MGST2: variants seen among roughly 807,000 people sequenced by gnomAD.
MGST2 encodes the protein glutathione peroxidase MGST2.
In MGST2, 9 loss-of-function variants were observed where a neutral mutation model predicts 16.6. The ratio of observed to expected loss-of-function variants is 0.54; its 90% CI spans 0.33 to 0.95. The LOEUF is 0.95. Among genes scored for constraint, MGST2 ranks in the 40% least tolerant of loss-of-function variants. The pLI is 0.03. For missense variants in MGST2, 159 were observed against 175.1 expected, an observed-to-expected ratio of 0.91 and a Z score of 0.52; for synonymous variants, 79 against 68.0, an observed-to-expected ratio of 1.16 and a Z score of -0.79.
chr4:139,682,357 C>T (rs527271602), intron 2 of MGST2, among the ~76,000 whole-genome samples: 17 of 152,112 alleles, frequency 1.1e-4, no homozygotes, highest in East Asian at 3.9e-4. Context: ...GTGTAGGTCC[C>T]GCTGAGAAGG....
intron 5 of MGST2, chr4:139,719,737 G>A: frequency 6.2e-7 from 1 of 1,613,778 alleles, no homozygotes; most frequent in Non-Finnish European, 8.5e-7. Context: ...CCTGTGGGAA[G>A]TGCTGCTTGG....
downstream of MGST2, among the ~76,000 whole-genome samples, chr4:139,706,283 G>A (rs1344308307): frequency 6.6e-6 from 1 of 152,116 alleles, no homozygotes; most frequent in African/African-American, 2.4e-5. Flanking sequence ...CACCCCATCA[G>A]TAGGAGGTTG....
chr4:139,680,151 C>T (rs1359899250), intron 2 of MGST2, among the ~76,000 whole-genome samples: 1 of 152,152 alleles, frequency 6.6e-6, no homozygotes, highest in African/African-American at 2.4e-5. Context: ...ATTTCATGCT[C>T]CTTTACTTCT....
chr4:139,736,913 C>T (rs1597906), intron 5 of MGST2, among the ~76,000 whole-genome samples: 1 of 152,152 alleles, frequency 6.6e-6, no homozygotes, highest in East Asian at 1.9e-4. Flanking sequence ...GCAAAATTTC[C>T]TGCTTTGGAA....
At chr4:139,709,920 C>A (rs1362234801) in intron 5 of MGST2, among the ~76,000 whole-genome samples, 2 of 152,000 alleles carry the variant, frequency 1.3e-5, no homozygotes, top group Admixed American at 1.3e-4. Context: ...GCCAGCTACT[C>A]CAGAGGACAC....
chr4:139,701,177 G>A (rs998307394), intron 3 of MGST2, among the ~76,000 whole-genome samples: 5 of 152,202 alleles, frequency 3.3e-5, no homozygotes, highest in African/African-American at 1.2e-4. Flanking sequence ...GGCTGAATGA[G>A]GCAGACTGCC....
In MGST2 at chr4:139,704,005, C is replaced by T. The variant is rs1727413241; in HGVS notation, c.312-11C>T. 4 of 1,614,044 alleles carry T rather than the reference C, an allele frequency of 2.5e-6. No individual in the cohort carries two copies. The highest frequency in any genetic ancestry group is 3.4e-6 in the Non-Finnish European group (4 of 1,180,012). On this transcript the variant is annotated splice_polypyrimidine_tract_variant and intron_variant, in intron 4 of 4. Transcript: ENST00000265498. ...AGTTTGTCACTTTTCTCCCTCATGT[C>T]CACTCTGCAGGATCACCGGTTTCCG...
chr4:139,739,679 G>GTTTC (rs200037455), intron 5 of MGST2, among the ~76,000 whole-genome samples: 54,918 of 131,824 alleles, frequency 0.42, 11,681 homozygotes, highest in South Asian at 0.58. Flanking sequence ...GAGGAAAGCA[G>GTTTC]TTTTTTTTTT....
In MGST2 at chr4:139,666,099, TGTGTGTGCGCGTGTGTGC is replaced by T; in HGVS notation, c.58+30_58+47del. ...CAAAGTAAGAGGCATGGGAAGTTCGTGTGTGTGCGCGTGTGTGCGTGTGTGTGTGTGTGTGACAAGGCT... is the reference window on the plus strand; with the variant it reads ...CAAAGTAAGAGGCATGGGAAGTTCGTGTGTGTGTGTGTGTGTGACAAGGCT... On this transcript the variant is annotated intron_variant, in intron 1 of 4. Coordinates refer to ENST00000265498, the MANE Select transcript of MGST2 (RefSeq NM_002413.5). The T allele has an allele frequency of 2.6e-6, 4 of 1,539,860 alleles. No individual in the cohort carries two copies. The Admixed American group carries it at 7.2e-5, about 28-fold the overall frequency.
At chr4:139,677,623 T>C (rs1271928372) in intron 1 of MGST2, among the ~76,000 whole-genome samples, 1 of 151,986 alleles carries the variant, frequency 6.6e-6, no homozygotes, top group Non-Finnish European at 1.5e-5. Flanking sequence ...TGCCTTAGCC[T>C]CCTGAGTAGC....
the MGST2 span, among the ~76,000 whole-genome samples, chr4:139,748,098 G>C: frequency 7.3e-5 from 11 of 151,556 alleles, no homozygotes; most frequent in Non-Finnish European, 1.3e-4. Flanking sequence ...TAGAGGTAGT[G>C]GGCCTTTGAA....
At chr4:139,691,311 A>C (rs1439778517) in intron 2 of MGST2, among the ~76,000 whole-genome samples, 2 of 152,252 alleles carry the variant, frequency 1.3e-5, no homozygotes, top group Non-Finnish European at 2.9e-5. Context: ...AGAGGATAGA[A>C]TATATCTGCC....
At chr4:139,668,968 G>A (rs1259946628) in intron 1 of MGST2, among the ~76,000 whole-genome samples, 2 of 152,082 alleles carry the variant, frequency 1.3e-5, no homozygotes, top group African/African-American at 2.4e-5. Context: ...CTCAGGGCCC[G>A]AACCCCCATG....
intron 2 of MGST2, among the ~76,000 whole-genome samples, chr4:139,687,319 C>T (rs1251348673): frequency 6.6e-6 from 1 of 152,212 alleles, no homozygotes; most frequent in Non-Finnish European, 1.5e-5. Context: ...CCAGCCCTAG[C>T]CCAATTTTTG....
chr4:139,700,127 CTTTTT>C (rs56662682), intron 3 of MGST2, among the ~76,000 whole-genome samples: 2 of 82,974 alleles, frequency 2.4e-5, no homozygotes, highest in Non-Finnish European at 4.3e-5. Context: ...TTTGGTTTTG[CTTTTT>C]TTTTTTTTTT....
chr4:139,695,254 G>A lies in MGST2; in HGVS notation c.216G>A (p.Trp72Ter). The change falls in exon 3 of 5, where the codon TGG (tryptophan) becomes TGA (stop). Residue 72 changes from tryptophan to a stop codon, truncating the protein, a stop_gained. Transcript: ENST00000265498. LOFTEE classifies it high-confidence loss of function. The part of the protein sequence containing the change: ...IFIITLWMAG[W>*]YFNQVFATCL... The stretch of plus-strand genomic sequence containing the variant: ...TAATTACATTGTGGATGGCTGGGTG[G>A]TATTTCAACCAAGGTAATGTTAAAA... 6.2e-7 allele frequency: 1 copy of A among 1,611,802 alleles called. No homozygotes were observed. The highest frequency in any genetic ancestry group is 8.5e-7 in the Non-Finnish European group (1 of 1,177,906).
rs1728675202 is a variant in MGST2 at position 139,730,790 on chromosome 4, G to C, written c.*49-9422G>C. On this transcript the variant is annotated intron_variant, in intron 5 of 5. Transcript: ENST00000616265. ...CCAGCTTATGGACTGGAGGGTTTTT[G>C]AGTGGCACGCATTGCATTTCCATAA... is the stretch of plus-strand genomic sequence containing the variant. 9 of 850,250 alleles carry C rather than the reference G, an allele frequency of 1.1e-5. No homozygotes were observed. The Admixed American group carries it at 1.4e-4, about 13-fold the overall frequency. 52.7% of individuals were successfully genotyped at this position (850,250 alleles called of 1,614,324 possible).
chr4:139,734,225 T>G (rs548113041), intron 5 of MGST2, among the ~76,000 whole-genome samples: 1 of 152,316 alleles, frequency 6.6e-6, no homozygotes, highest in South Asian at 2.1e-4. Flanking sequence ...TGAGAAATAG[T>G]CTGTCAAATT....
intron 2 of MGST2, among the ~76,000 whole-genome samples, chr4:139,691,855 C>G (rs140995373): frequency 6.6e-6 from 1 of 152,104 alleles, no homozygotes; most frequent in Non-Finnish European, 1.5e-5. Flanking sequence ...CCCGCCACCA[C>G]GCCCGGCTAA....
Sources: gnomAD v4.1 joint callset for allele counts (sites outside exome capture counted in the v4.1 genomes callset) on GRCh38, gnomAD v4.1.1 for gene constraint, MANE v1.5 for transcripts, NCBI Gene and HGNC (gene_info 2026-07-23, HGNC 2026-07-21) for gene names.